The following KANSL1 variants were observed in gnomAD, a reference collection of about 807,000 sequenced individuals.
KANSL1 encodes the protein KAT8 regulatory NSL complex subunit 1, also known as MLL1/MLL complex subunit KANSL1.
A neutral mutation model predicts 103.6 loss-of-function variants in KANSL1; 22 were observed. That is an observed-to-expected ratio of 0.21 (90% CI 0.15 to 0.30). The LOEUF (loss-of-function observed/expected upper bound fraction) is 0.30. Ranked by LOEUF, KANSL1 falls within the 10% of genes least tolerant of loss-of-function variation. The probability of loss-of-function intolerance (pLI) is 1.00; values close to 1 mark genes in which losing one functional copy is unlikely to be tolerated. For synonymous variants in KANSL1, 600 were observed against 527.6 expected (o/e 1.14, Z -1.88); for missense variants, 1,337 against 1,399.8 (o/e 0.96, Z 0.72).
intron 6 of KANSL1, among the ~76,000 whole-genome samples, chr17:46,051,203 C>CT (rs2077700879): frequency 6.6e-6 from 1 of 152,178 alleles, no homozygotes; most frequent in South Asian, 2.1e-4. Context: ...CTTCAAAAGA[C>CT]TTTCAGGTGG....
chr17:46,149,521 T>C (rs1157211086), intron 2 of KANSL1, among the ~76,000 whole-genome samples: 1 of 152,256 alleles, frequency 6.6e-6, no homozygotes, highest in Non-Finnish European at 1.5e-5. Flanking sequence ...CTCTTGCCAT[T>C]ATAGTACTAA....
intron 2 of KANSL1, among the ~76,000 whole-genome samples, chr17:46,139,792 C>T (rs1006717662): frequency 9.9e-5 from 15 of 151,790 alleles, no homozygotes; most frequent in Admixed American, 2.0e-4. Flanking sequence ...TAACCCTCCA[C>T]GAACTGAAAG....
In KANSL1 at chr17:46,171,370, C is replaced by G. The variant is rs202232945; in HGVS notation, c.774G>C (p.Leu258Phe). Residue 258 changes from leucine to phenylalanine, a missense_variant, in exon 2 of 15, where the codon TTG (leucine) becomes TTC (phenylalanine). Leu to Phe is a conservative substitution (Grantham distance 22). Around this residue, in one of 2 missense-constraint regions of KANSL1, gnomAD observed 557 missense variants for 476.4 expected, o/e 1.17. Coordinates refer to ENST00000432791, the MANE Select transcript of KANSL1 (RefSeq NM_015443.4). ...LSPGTDSSSN[L>F]GGVKLEGKKS... ...TTTTACCCTCCAATTTGACACCCCC[C>G]AAGTTAGAGCTGGAGTCTGTACCAG... 6.8e-6 allele frequency: 11 copies of G among 1,614,136 alleles called. No individual in the cohort carries two copies. Among genetic ancestry groups the G allele is most frequent in the Non-Finnish European group, 9.3e-6 (11 of 1,180,030 alleles).
At chr17:46,200,909 C>CTT (rs112647480) in intron 1 of KANSL1, among the ~76,000 whole-genome samples, 8 of 147,006 alleles carry the variant, frequency 5.4e-5, no homozygotes, top group Non-Finnish European at 9.0e-5. Context: ...AAGGGAATTA[C>CTT]TTTTTTTTTT....
intron 4 of KANSL1, among the ~76,000 whole-genome samples, chr17:46,079,127 T>C (rs1372688613): frequency 6.6e-6 from 1 of 152,198 alleles, no homozygotes; most frequent in Non-Finnish European, 1.5e-5. Flanking sequence ...CCCACTTCCC[T>C]AACCCAGAAA....
chr17:46,106,975 C>A (rs1207565802), intron 2 of KANSL1, among the ~76,000 whole-genome samples: 3 of 152,156 alleles, frequency 2.0e-5, no homozygotes, highest in East Asian at 3.9e-4. Flanking sequence ...AAGGAAAACT[C>A]TGAAAGATAG....
chr17:46,138,509 C>T lies in KANSL1; in HGVS notation c.1289+32346G>A, dbSNP rs1054134888. On this transcript the variant is annotated intron_variant, in intron 2 of 14. Coordinates refer to ENST00000432791, the MANE Select transcript of KANSL1 (RefSeq NM_015443.4). Reference sequence around the variant, plus strand: ...TCCCATCTTATATCAGGGATTTGAGCACTGTCAGATTTGGTATCCACGGAA... The same window carrying T: ...TCCCATCTTATATCAGGGATTTGAGTACTGTCAGATTTGGTATCCACGGAA... 1.1e-4 allele frequency among the ~76,000 whole-genome samples: 17 copies of T among 152,350 alleles called. No individual in the cohort carries two copies. In the East Asian group the frequency reaches 3.3e-3, roughly 29 times the overall value.
In KANSL1 at chr17:46,165,296, G is replaced by C. The variant is rs191367495; in HGVS notation, c.1289+5559C>G. 2.7e-3 allele frequency among the ~76,000 whole-genome samples: 418 copies of C among 152,140 alleles called. 1 individual carries two copies. The highest frequency in any genetic ancestry group is 6.8e-3 in the Middle Eastern group (2 of 294). On this transcript the variant is annotated intron_variant, in intron 2 of 14. Transcript: ENST00000432791. ...CGCCCAGGCTGGAGTGCAGTGGTGC[G>C]ATCTCGGCTCACTGCAAGCTCCACC...
rs565732560 is a variant in KANSL1 at position 46,109,985 on chromosome 17, A to G, written c.1290-15284T>C. Among the ~76,000 whole-genome samples, 9 of 152,342 alleles carry G rather than the reference A, an allele frequency of 5.9e-5. No individual in the cohort carries two copies. The East Asian group carries it at 1.4e-3, about 23-fold the overall frequency. Reference sequence around the variant, plus strand: ...GAGGGTGACTAGGGAGACTGCTTCAATGGGAGATTATTCTGCAGTAGTGCC... The same window carrying G: ...GAGGGTGACTAGGGAGACTGCTTCAGTGGGAGATTATTCTGCAGTAGTGCC... On this transcript the variant is annotated intron_variant, in intron 2 of 14. Transcript: ENST00000432791.
intron 2 of KANSL1, among the ~76,000 whole-genome samples, chr17:46,107,148 C>A (rs2042601607): frequency 6.6e-6 from 1 of 152,240 alleles, no homozygotes; most frequent in African/African-American, 2.4e-5. Flanking sequence ...TCATTCCCTG[C>A]CTCCATATAA....
intron 2 of KANSL1, among the ~76,000 whole-genome samples, chr17:46,123,748 C>T (rs768948746): frequency 1.3e-4 from 20 of 152,202 alleles, no homozygotes; most frequent in African/African-American, 4.8e-4. Context: ...GGCTGCTTTA[C>T]GAAGTTTAAG....
chr17:46,190,691 G>A (rs907281049), intron 1 of KANSL1, among the ~76,000 whole-genome samples: 1 of 152,156 alleles, frequency 6.6e-6, no homozygotes, highest in African/African-American at 2.4e-5. Context: ...TTCCCTCCAA[G>A]TAGTTCAAAA....
At chr17:46,149,096 G>C (rs1285243741) in intron 2 of KANSL1, among the ~76,000 whole-genome samples, 1 of 150,866 alleles carries the variant, frequency 6.6e-6, no homozygotes, top group Admixed American at 6.6e-5. Flanking sequence ...TCCACCTCCC[G>C]GGTTCACGCC....
At chr17:46,175,319 TGTGTGTG>T (rs2046469825) in intron 1 of KANSL1, among the ~76,000 whole-genome samples, 1 of 70,400 alleles carries the variant, frequency 1.4e-5, no homozygotes, top group African/African-American at 6.0e-5. Context: ...GCTGTGTGTG[TGTGTGTG>T]TGTGTGTGTG....
At chr17:46,137,365 G>A (rs967208964) in intron 2 of KANSL1, among the ~76,000 whole-genome samples, 1 of 152,190 alleles carries the variant, frequency 6.6e-6, no homozygotes, top group South Asian at 2.1e-4. Flanking sequence ...CTTTTAGAGT[G>A]CATACCTATT....
chr17:46,080,108 TTTG>T (rs1158926816), intron 4 of KANSL1, among the ~76,000 whole-genome samples: 9 of 152,246 alleles, frequency 5.9e-5, no homozygotes, highest in Admixed American at 5.2e-4. Context: ...CGCTGATTTT[TTTG>T]TTAATTCCAG....
intron 2 of KANSL1, among the ~76,000 whole-genome samples, chr17:46,115,658 GTTTA>G (rs1192402346): frequency 6.6e-6 from 1 of 152,200 alleles, no homozygotes; most frequent in South Asian, 2.1e-4. Context: ...ATGAAAAACA[GTTTA>G]TTTATAGGAT....
At chr17:46,081,035 T>C (rs184496747) in intron 4 of KANSL1, among the ~76,000 whole-genome samples, 6 of 151,766 alleles carry the variant, frequency 4.0e-5, no homozygotes, top group African/African-American at 1.2e-4. Context: ...AGGACCAAGC[T>C]CCTAAAGAGT....
intron 1 of KANSL1, among the ~76,000 whole-genome samples, chr17:46,205,688 A>AAAAAAAC (rs1233684242): frequency 1.3e-5 from 2 of 152,172 alleles, no homozygotes; most frequent in Non-Finnish European, 1.5e-5. Flanking sequence ...CTCAAAAAAA[A>AAAAAAAC]AAAAAAAAAA....
Sources: gnomAD v4.1 joint callset for allele counts (sites outside exome capture counted in the v4.1 genomes callset) on GRCh38, gnomAD v4.1.1 for gene constraint, gnomAD v4.1.1 regional missense constraint, MANE v1.5 for transcripts, NCBI Gene and HGNC (gene_info 2026-07-23, HGNC 2026-07-21) for gene names.